ADGRF1: variants seen among roughly 807,000 people sequenced by gnomAD.
ADGRF1 encodes adhesion G protein-coupled receptor F1.
A neutral mutation model predicts 87.2 loss-of-function variants in ADGRF1; 85 were observed. That is an observed-to-expected ratio of 0.97 (90% CI 0.82 to 1.17). The LOEUF (loss-of-function observed/expected upper bound fraction) is 1.17. Ranked by LOEUF, ADGRF1 falls within the 50% of genes most tolerant of loss-of-function variation. ADGRF1 has a pLI of 0.00. For missense variants in ADGRF1, 1,169 were observed against 1,077.2 expected, an observed-to-expected ratio of 1.09 and a Z score of -1.19; for synonymous variants, 430 against 408.8, an observed-to-expected ratio of 1.05 and a Z score of -0.63.
rs183311428 is a variant in ADGRF1 at position 47,020,482 on chromosome 6, C to T, written c.611+249G>A. On this transcript the variant is annotated intron_variant, in intron 7 of 14. Transcript: ENST00000371253. ...TTGTGCCATTGCACTCCAACTTGGG[C>T]GACAAGAGTGACATTCTGTCAAAAA... The T allele has an allele frequency of 3.6e-4, 517 of 1,451,548 alleles. 2 individuals are homozygous for T. In the African/African-American group the frequency reaches 4.9e-3, roughly 14 times the overall value. The allele number at this position is 1,451,548 out of a possible 1,614,324, so 89.9% of individuals were successfully genotyped here.
Position 47,005,804 on chromosome 6 carries a change from A to G in ADGRF1, c.2592+13T>C. ...CTTCATGTATTGGATTCATGGCAGTAGGAGATAATTACCTTTTCTGTTTGC... is the reference window on the plus strand; with the variant it reads ...CTTCATGTATTGGATTCATGGCAGTGGGAGATAATTACCTTTTCTGTTTGC... On this transcript the variant is annotated intron_variant, in intron 13 of 14. Transcript: ENST00000371253. 6.3e-7 allele frequency: 1 copy of G among 1,597,652 alleles called. No individual in the cohort carries two copies. The highest frequency in any genetic ancestry group is 8.6e-7 in the Non-Finnish European group (1 of 1,167,210).
At chr6:47,037,390 C>T (rs1468284388) in intron 1 of ADGRF1, among the ~76,000 whole-genome samples, 3 of 152,156 alleles carry the variant, frequency 2.0e-5, no homozygotes, top group Non-Finnish European at 4.4e-5. Flanking sequence ...GGTATTTGCT[C>T]ATGATTTGTA....
chr6:47,032,659 T>C (rs957667296), intron 1 of ADGRF1, among the ~76,000 whole-genome samples: 1 of 152,204 alleles, frequency 6.6e-6, no homozygotes, highest in African/African-American at 2.4e-5. Context: ...TCATCAAGAA[T>C]ACAAGGAAAA....
intron 1 of ADGRF1, among the ~76,000 whole-genome samples, chr6:47,038,397 CA>C (rs1190838294): frequency 6.6e-6 from 1 of 152,144 alleles, no homozygotes; most frequent in East Asian, 1.9e-4. Flanking sequence ...CCCAATGAAA[CA>C]GTTTTTTATC....
intron 4 of ADGRF1, 43 bp from the exon 5 acceptor site, chr6:47,024,260 A>G: frequency 7.0e-7 from 1 of 1,423,496 alleles, no homozygotes; most frequent in Non-Finnish European, 9.8e-7. Context: ...TCTGGTTTAT[A>G]AACTGACTAC....
At position 47,012,038 on chromosome 6, in the gene ADGRF1, C is replaced by G; in HGVS notation, c.1085G>C (p.Ser362Thr). ...TGTTGAATTGGACACCCTGAAATGG[C>G]TGGCCAGTGACAGAGATGAAATATT... is the stretch of plus-strand genomic sequence containing the variant. The part of the protein sequence containing the change: ...LSNISSLSLA[S>T]HFRVSNSTME... Residue 362 changes from serine to threonine, a missense_variant, in exon 10 of 15, where the codon AGC becomes ACC. Physicochemically the swap from Ser to Thr is moderately conservative, Grantham distance 58. Coordinates refer to ENST00000371253, the MANE Select transcript of ADGRF1 (RefSeq NM_153840.4). 1 of 1,613,896 alleles carries G rather than the reference C, an allele frequency of 6.2e-7. No homozygotes were observed. Among genetic ancestry groups the G allele is most frequent in the African/African-American group, 1.3e-5 (1 of 75,036 alleles).
intron 11 of ADGRF1, 24 bp downstream of exon 11, chr6:47,008,921 A>G: frequency 6.5e-7 from 1 of 1,549,750 alleles, no homozygotes; most frequent in Admixed American, 1.9e-5. Context: ...TGACAATACA[A>G]TAGGTTATTG....
chr6:47,025,945 T>C lies in ADGRF1; in HGVS notation c.186A>G (p.Lys62=). The C allele has an allele frequency of 6.2e-7, 1 of 1,611,996 alleles. No homozygotes were observed. Among genetic ancestry groups the C allele is most frequent in the African/African-American group, 1.3e-5 (1 of 75,038 alleles). ...GCTTCAGAAAATTTCTCAAATCTCTTTTCTCCTTGGAATCTCTATAGGTCA... is the reference window on the plus strand; with the variant it reads ...GCTTCAGAAAATTTCTCAAATCTCTCTTCTCCTTGGAATCTCTATAGGTCA... The part of the protein sequence containing the change: ...LQVTYRDSKE[K]RDLRNFLKLL... The change falls in exon 4 of 15, where the codon AAA becomes AAG. Residue 62 remains lysine (K), a synonymous_variant. Transcript: ENST00000371253.
rs1021362638 is a variant in ADGRF1 at position 47,018,399 on chromosome 6, C to T, written c.612-1631G>A. On this transcript the variant is annotated intron_variant, in intron 7 of 14. Transcript: ENST00000371253. ...CTAATTGATCGGAAGTTCCGCAGCT[C>T]AAATTCTTACTACATTGAACTTCTG... 6 of 1,276,600 alleles carry T rather than the reference C, an allele frequency of 4.7e-6. No individual in the cohort carries two copies. The South Asian group carries it at 6.4e-5, about 14-fold the overall frequency. The allele number at this position is 1,276,600 out of a possible 1,614,324, so 79.1% of individuals were successfully genotyped here. A position where few individuals can be genotyped will look rare whatever the true frequency, so the allele number is the denominator to read the frequency against.
intron 1 of ADGRF1, among the ~76,000 whole-genome samples, chr6:47,039,790 T>G (rs1359894559): frequency 6.6e-6 from 1 of 151,964 alleles, no homozygotes; most frequent in East Asian, 1.9e-4. Flanking sequence ...AGTGAAACTC[T>G]GTCTCTACTA....
chr6:47,015,754 A>ATT (rs66570376), intron 8 of ADGRF1, among the ~76,000 whole-genome samples: 2 of 142,336 alleles, frequency 1.4e-5, no homozygotes, highest in Non-Finnish European at 1.5e-5. Flanking sequence ...CGCCTGGCTA[A>ATT]TTTTTTTTTT....
At chr6:47,029,924 A>G (rs1582184852) in intron 1 of ADGRF1, among the ~76,000 whole-genome samples, 2 of 152,370 alleles carry the variant, frequency 1.3e-5, no homozygotes, top group Non-Finnish European at 2.9e-5. Flanking sequence ...GCATTGATAG[A>G]ACTTAAAGGA....
chr6:47,034,071 A>AT (rs1438130482), intron 1 of ADGRF1, among the ~76,000 whole-genome samples: 3 of 152,354 alleles, frequency 2.0e-5, no homozygotes, highest in African/African-American at 7.2e-5. Flanking sequence ...TAAACACAGC[A>AT]GGAAGAGGTC....
intron 5 of ADGRF1, among the ~76,000 whole-genome samples, chr6:47,022,982 T>C (rs894711081): frequency 6.6e-6 from 1 of 151,894 alleles, no homozygotes; most frequent in Non-Finnish European, 1.5e-5. Context: ...TAGCTAATTT[T>C]TGTATTTTTT....
In ADGRF1 at chr6:47,024,183, G is replaced by A; in HGVS notation, c.312C>T (p.Thr104=). Residue 104 remains threonine (T), a synonymous_variant, in exon 5 of 15, where the codon ACC becomes ACT. Coordinates refer to ENST00000371253, the MANE Select transcript of ADGRF1 (RefSeq NM_153840.4). ...GAAACCAGGTGTAGCTGTCTTCACA[G>A]GTACACTGCAGGACTCCATTCAGGC... ...CNSLNGVLQC[T]CEDSYTWFPP... 6.2e-7 allele frequency: 1 copy of A among 1,614,048 alleles called. No homozygotes were observed. The highest frequency in any genetic ancestry group is 2.2e-5 in the East Asian group (1 of 44,886).
chr6:47,013,357 T>A, intron 9 of ADGRF1: 1 of 985,492 alleles, frequency 1.0e-6, no homozygotes, highest in South Asian at 4.7e-5. Context: ...TCTAATCCCC[T>A]TCCCCAGTTT....
At chr6:47,031,768 C>G (rs1466387919) in intron 1 of ADGRF1, among the ~76,000 whole-genome samples, 2 of 152,070 alleles carry the variant, frequency 1.3e-5, no homozygotes, top group African/African-American at 4.8e-5. Flanking sequence ...CTCTGTCACC[C>G]AGGCTGGAGG....
At chr6:47,000,621 A>G (rs1411411449) in intron 14 of ADGRF1, among the ~76,000 whole-genome samples, 1 of 152,160 alleles carries the variant, frequency 6.6e-6, no homozygotes, top group Non-Finnish European at 1.5e-5. Flanking sequence ...ATAGATGAGG[A>G]ACAAATGTCC....
rs746494355 is a variant in ADGRF1 at position 47,016,690 on chromosome 6, A to C, written c.690T>G (p.Val230=). The C allele has an allele frequency of 6.2e-7, 1 of 1,612,772 alleles. No individual in the cohort carries two copies. ...ASELLSAIEH[V]AEKAKTALHK... ...GAAGGGCTGTCTTAGCCTTCTCGGC[A>C]ACATGTTCAATGGCTGACAGCAGTT... The change falls in exon 8 of 15, where the codon GTT becomes GTG. Residue 230 remains valine, a synonymous_variant. Transcript: ENST00000371253.
Sources: allele counts gnomAD v4.1 joint callset (sites outside exome capture counted in the v4.1 genomes callset), GRCh38; gene constraint gnomAD v4.1.1; transcripts MANE v1.5; gene names NCBI Gene and HGNC (gene_info 2026-07-23, HGNC 2026-07-21).